Variants in UNC13B observed in about 807,000 individuals in gnomAD.
UNC13B encodes protein unc-13 homolog B.
A neutral mutation model predicts 211.0 loss-of-function variants in UNC13B; 144 were observed. The ratio of observed to expected loss-of-function variants is 0.68; its 90% CI spans 0.60 to 0.78. The LOEUF (loss-of-function observed/expected upper bound fraction) is 0.78, where lower values mean the gene tolerates loss of function less well. UNC13B is among the 30% of genes least tolerant of loss of function. The pLI is 0.00. For synonymous variants in UNC13B, 709 were observed against 725.8 expected, an observed-to-expected ratio of 0.98 and a Z score of 0.37; for missense variants, 1,777 against 2,002.0, an observed-to-expected ratio of 0.89 and a Z score of 2.14.
Position 35,381,340 on chromosome 9 carries a change from G to T in UNC13B, c.10491+125G>T, listed in dbSNP as rs149253291. The T allele has an allele frequency of 2.6e-5, 26 of 1,011,692 alleles. No individual in the cohort carries two copies. In the East Asian group the frequency reaches 2.6e-4, roughly 10 times the overall value. 62.7% of individuals were successfully genotyped at this position (1,011,692 alleles called of 1,614,324 possible). A position where few individuals can be genotyped will look rare whatever the true frequency, so the allele number is the denominator to read the frequency against. On this transcript the variant is annotated intron_variant, in intron 19 of 39. Coordinates refer to ENST00000635942, the MANE Select transcript of UNC13B (RefSeq NM_001371189.2). ...TTAAATTTTATCCTTGATTCACTCT[G>T]TTACCCTGGAGAGTCCGAGTGACTG...
rs565484836 is a variant in UNC13B at position 35,266,323 on chromosome 9, C to T, written c.526+7273C>T. On this transcript the variant is annotated intron_variant, in intron 7 of 39. Coordinates refer to ENST00000635942, the MANE Select transcript of UNC13B (RefSeq NM_001371189.2). ...CACTACCCAGTGTGTTAGGATCAAT[C>T]CTCTGCGGCCATTTATAAGATGTTT... 6.6e-5 allele frequency among the ~76,000 whole-genome samples: 10 copies of T among 152,306 alleles called. No individual in the cohort carries two copies. In the South Asian group the frequency reaches 2.1e-3, roughly 32 times the overall value.
rs941913998 is a variant in UNC13B, at chr9:35,301,285, G to A, written c.1881G>A (p.Gly627=). Residue 627 remains glycine, a synonymous_variant, in exon 9 of 40, where the codon GGG becomes GGA. Coordinates refer to ENST00000635942, the MANE Select transcript of UNC13B (RefSeq NM_001371189.2). Reference sequence around the variant, plus strand: ...ATGAGCACATGGGTAATAAAACTGGGAGTTTATACTTTCAGAATACAACAG... The same window carrying A: ...ATGAGCACATGGGTAATAAAACTGGAAGTTTATACTTTCAGAATACAACAG... The part of the protein sequence containing the change: ...SENEHMGNKT[G]SLYFQNTTES... 5.0e-6 allele frequency: 2 copies of A among 398,664 alleles called. No individual in the cohort carries two copies. The highest frequency in any genetic ancestry group is 2.1e-5 in the African/African-American group (1 of 48,602). 24.7% of individuals were successfully genotyped at this position (398,664 alleles called of 1,614,324 possible).
At chr9:35,243,474 C>T (rs1825920005) in intron 6 of UNC13B, 110 bp downstream of exon 6, 1 of 1,130,126 alleles carries the variant, frequency 8.8e-7, no homozygotes, top group Middle Eastern at 2.0e-4. Context: ...AATGAAATCA[C>T]TTAAATTGCA....
At chr9:35,352,452 A>G in intron 11 of UNC13B, 1 of 1,232,172 alleles carries the variant, frequency 8.1e-7, no homozygotes, top group Non-Finnish European at 1.0e-6. Context: ...AGCTGCCCAC[A>G]GGGTAATAAG....
intron 1 of UNC13B, among the ~76,000 whole-genome samples, chr9:35,184,806 G>T (rs1421299044): frequency 3.3e-3 from 3 of 904 alleles, no homozygotes; most frequent in South Asian, 0.042. Flanking sequence ...AGAAGCGGGG[G>T]GGGGGGGGGA....
chr9:35,387,937 C>G (rs2132294257), intron 24 of UNC13B, among the ~76,000 whole-genome samples: 1 of 152,144 alleles, frequency 6.6e-6, no homozygotes, highest in African/African-American at 2.4e-5. Flanking sequence ...ACAGAGGGTG[C>G]TGTGGGAGCC....
At chr9:35,237,254 G>C (rs903562717) in intron 4 of UNC13B, among the ~76,000 whole-genome samples, 1 of 152,104 alleles carries the variant, frequency 6.6e-6, no homozygotes, top group African/African-American at 2.4e-5. Flanking sequence ...GAAATTGCCT[G>C]TATTTTCTGT....
At chr9:35,211,064 G>A (rs190943603) in intron 1 of UNC13B, among the ~76,000 whole-genome samples, 3 of 152,246 alleles carry the variant, frequency 2.0e-5, no homozygotes, top group African/African-American at 7.2e-5. Flanking sequence ...TGGCAGTTTT[G>A]TGTGGCAAAT....
At chr9:35,331,434 A>G (rs1054937321) in intron 11 of UNC13B, among the ~76,000 whole-genome samples, 1 of 151,986 alleles carries the variant, frequency 6.6e-6, no homozygotes, top group Non-Finnish European at 1.5e-5. Context: ...TTTAATAGAG[A>G]TGGGGTTTCG....
intron 36 of UNC13B, 28 bp from the exon 37 acceptor site, chr9:35,400,268 C>G (rs1234205568): frequency 3.7e-6 from 6 of 1,609,142 alleles, no homozygotes; most frequent in Non-Finnish European, 5.1e-6. Context: ...GGGGATGAAG[C>G]AGTCACGGGT....
At chr9:35,387,654 C>T (rs1185178621) in intron 24 of UNC13B, among the ~76,000 whole-genome samples, 3 of 152,096 alleles carry the variant, frequency 2.0e-5, no homozygotes, top group South Asian at 2.1e-4. Flanking sequence ...TTCATTTTTT[C>T]CTTATTCCAT....
In UNC13B at chr9:35,305,327, T is replaced by A; in HGVS notation, c.5923T>A (p.Ser1975Thr). Residue 1975 changes from serine (S) to threonine (T), a missense_variant, in exon 9 of 40, where the codon TCT becomes ACT. Physicochemically the swap from Ser to Thr is moderately conservative, Grantham distance 58. Coordinates refer to ENST00000635942, the MANE Select transcript of UNC13B (RefSeq NM_001371189.2). ...VKIPPQEKKE[S>T]SGVSNFWGTL... Reference sequence around the variant, plus strand: ...GATACCACCTCAAGAAAAGAAAGAATCTTCTGGTGTTTCAAATTTTTGGGG... The same window carrying A: ...GATACCACCTCAAGAAAAGAAAGAAACTTCTGGTGTTTCAAATTTTTGGGG... The A allele has an allele frequency of 2.5e-6, 1 of 398,908 alleles. No individual in the cohort carries two copies. The highest frequency in any genetic ancestry group is 4.4e-5 in the Admixed American group (1 of 22,738). The allele number at this position is 398,908 out of a possible 1,614,324, so 24.7% of individuals were successfully genotyped here.
rs1834314999 is a variant in UNC13B, at chr9:35,375,157, A to G, written c.9571A>G (p.Thr3191Ala). 1 of 1,614,178 alleles carries G rather than the reference A, an allele frequency of 6.2e-7. No homozygotes were observed. The highest frequency in any genetic ancestry group is 8.5e-7 in the Non-Finnish European group (1 of 1,179,994). ...SLVQSRKAGI[T>A]SAMATRTSLK... is the part of the protein sequence containing the mutation. ...GGTCCAGTCTCGGAAGGCAGGAATC[A>G]CTTCTGCAATGGCTACACGCACTTC... is the stretch of plus-strand genomic sequence containing the variant. Residue 3191 changes from threonine to alanine, a missense_variant, in exon 14 of 40, where the codon ACT becomes GCT. Physicochemically the swap from Thr to Ala is moderately conservative, Grantham distance 58. Transcript: ENST00000635942.
At chr9:35,294,982 T>C (rs925847150) in intron 7 of UNC13B, among the ~76,000 whole-genome samples, 5 of 152,234 alleles carry the variant, frequency 3.3e-5, no homozygotes, top group Admixed American at 2.0e-4. Context: ...CAAGATCCCA[T>C]TGGCAGTGCA....
At chr9:35,234,777 A>C (rs1825400829) in intron 3 of UNC13B, among the ~76,000 whole-genome samples, 1 of 152,204 alleles carries the variant, frequency 6.6e-6, no homozygotes, top group Non-Finnish European at 1.5e-5. Flanking sequence ...AAAAGGGACA[A>C]ATTTTCTTTG....
chr9:35,314,095 C>A, intron 11 of UNC13B, 106 bp downstream of exon 11: 1 of 928,918 alleles, frequency 1.1e-6, no homozygotes, highest in Non-Finnish European at 1.8e-6. Flanking sequence ...TTACAGTGTG[C>A]TTCTGGGAAT....
At chr9:35,205,935 G>A (rs1210549067) in intron 1 of UNC13B, among the ~76,000 whole-genome samples, 1 of 152,162 alleles carries the variant, frequency 6.6e-6, no homozygotes, top group Non-Finnish European at 1.5e-5. Context: ...TGTAATCTCA[G>A]TACTTTGGGA....
chr9:35,206,039 C>T (rs946484103), intron 1 of UNC13B, among the ~76,000 whole-genome samples: 5 of 151,974 alleles, frequency 3.3e-5, no homozygotes, highest in African/African-American at 4.8e-5. Context: ...CAAAAATTAG[C>T]TGGGCATAGT....
chr9:35,171,993 C>T (rs1416979860), intron 1 of UNC13B, among the ~76,000 whole-genome samples: 1 of 151,824 alleles, frequency 6.6e-6, no homozygotes, highest in Non-Finnish European at 1.5e-5. Flanking sequence ...TTCTATGGCT[C>T]TTCAAAAATA....
Sources: allele counts gnomAD v4.1 joint callset (sites outside exome capture counted in the v4.1 genomes callset), GRCh38; gene constraint gnomAD v4.1.1; transcripts MANE v1.5; gene names NCBI Gene and HGNC (gene_info 2026-07-23, HGNC 2026-07-21).